The following AGBL4 variants were observed in gnomAD, a reference collection of about 807,000 sequenced individuals.
AGBL4 encodes cytosolic carboxypeptidase 6.
Under a neutral mutation model 66.4 loss-of-function variants are expected in AGBL4, and 58 were observed. The observed-to-expected ratio is 0.87, with a 90% CI of 0.71 to 1.09. The LOEUF (loss-of-function observed/expected upper bound fraction) is 1.09, where lower values mean the gene tolerates loss of function less well. AGBL4 is among the 50% of genes least tolerant of loss of function. The pLI, the probability that AGBL4 is intolerant of heterozygous loss-of-function variation, is 0.00. For synonymous variants in AGBL4, 234 were observed against 222.9 expected, an observed-to-expected ratio of 1.05 and a Z score of -0.44; for missense variants, 579 against 631.0, an observed-to-expected ratio of 0.92 and a Z score of 0.88.
intron 3 of AGBL4, among the ~76,000 whole-genome samples, chr1:49,440,960 C>T (rs1646015542): frequency 6.6e-6 from 1 of 152,136 alleles, no homozygotes; most frequent in African/African-American, 2.4e-5. Context: ...CCTCCCCAAC[C>T]CATGCTCCCA....
intron 1 of AGBL4, among the ~76,000 whole-genome samples, chr1:49,957,191 C>A (rs898594873): frequency 6.6e-6 from 1 of 151,842 alleles, no homozygotes; most frequent in Non-Finnish European, 1.5e-5. Flanking sequence ...AGCGTTTTAA[C>A]AAGAATGGGC....
At chr1:49,914,164 T>C (rs765583956) in intron 1 of AGBL4, among the ~76,000 whole-genome samples, 13 of 152,236 alleles carry the variant, frequency 8.5e-5, no homozygotes, top group Non-Finnish European at 1.5e-4. Flanking sequence ...TCCAAATCTT[T>C]CCAATCTGCT....
At chr1:48,794,536 C>T (rs1046660819) in intron 6 of AGBL4, among the ~76,000 whole-genome samples, 9 of 152,292 alleles carry the variant, frequency 5.9e-5, no homozygotes, top group African/African-American at 1.9e-4. Flanking sequence ...TTGCCTCTAC[C>T]GAACCTACTC....
chr1:49,782,206 C>A (rs1644352983), intron 2 of AGBL4, among the ~76,000 whole-genome samples: 2 of 151,616 alleles, frequency 1.3e-5, no homozygotes, highest in South Asian at 4.2e-4. Flanking sequence ...TCAACAAAAA[C>A]CAAAAACTTT....
intron 6 of AGBL4, among the ~76,000 whole-genome samples, chr1:48,783,578 T>G (rs1427934216): frequency 2.6e-5 from 4 of 152,168 alleles, no homozygotes; most frequent in Non-Finnish European, 5.9e-5. Context: ...TTGCTGTAAC[T>G]TTAGGCAAGA....
At chr1:49,130,144 C>T (rs1179697351) in intron 4 of AGBL4, among the ~76,000 whole-genome samples, 1 of 152,092 alleles carries the variant, frequency 6.6e-6, no homozygotes, top group Non-Finnish European at 1.5e-5. Flanking sequence ...GTCCTTTGCC[C>T]ACTTTTTGAT....
intron 4 of AGBL4, among the ~76,000 whole-genome samples, chr1:49,170,816 T>G (rs1646725527): frequency 6.6e-6 from 1 of 152,008 alleles, no homozygotes; most frequent in Non-Finnish European, 1.5e-5. Context: ...ACCCAAAAGC[T>G]TAGTAAGTTA....
At chr1:49,054,578 A>G (rs986443057) in intron 4 of AGBL4, among the ~76,000 whole-genome samples, 5 of 152,118 alleles carry the variant, frequency 3.3e-5, no homozygotes, top group Admixed American at 3.3e-4. Flanking sequence ...TGTCTACATA[A>G]TTCATAATTG....
intron 3 of AGBL4, among the ~76,000 whole-genome samples, chr1:49,677,375 A>T (rs762785644): frequency 1.3e-5 from 2 of 152,022 alleles, no homozygotes; most frequent in Non-Finnish European, 2.9e-5. Context: ...TTTCATCTTT[A>T]GCATATTTAT....
intron 3 of AGBL4, among the ~76,000 whole-genome samples, chr1:49,369,301 A>C (rs1157637421): frequency 6.6e-6 from 1 of 152,214 alleles, no homozygotes; most frequent in East Asian, 1.9e-4. Context: ...AAAACTATTC[A>C]TAACAGCATA....
chr1:49,536,553 A>C (rs1343947465), intron 3 of AGBL4, among the ~76,000 whole-genome samples: 13 of 152,234 alleles, frequency 8.5e-5, no homozygotes, highest in Admixed American at 7.2e-4. Flanking sequence ...TAGAAAAAAC[A>C]ACCCTAAAAT....
intron 4 of AGBL4, among the ~76,000 whole-genome samples, chr1:49,209,986 T>C (rs191614805): frequency 6.6e-6 from 1 of 152,188 alleles, no homozygotes; most frequent in Admixed American, 6.5e-5. Context: ...ATATACTCAA[T>C]AAATAGCTAT....
chr1:49,430,684 A>C (rs1418264631), intron 3 of AGBL4, among the ~76,000 whole-genome samples: 3 of 151,478 alleles, frequency 2.0e-5, no homozygotes, highest in African/African-American at 7.3e-5. Flanking sequence ...CATAAGTATA[A>C]ACTTAATTAA....
chr1:48,951,905 G>A (rs1471248877), intron 5 of AGBL4, among the ~76,000 whole-genome samples: 1 of 152,238 alleles, frequency 6.6e-6, no homozygotes, highest in African/African-American at 2.4e-5. Flanking sequence ...ATGGCCTTAT[G>A]AGGGAAGCAT....
At chr1:49,372,032 T>C (rs747620373) in intron 3 of AGBL4, among the ~76,000 whole-genome samples, 1 of 152,050 alleles carries the variant, frequency 6.6e-6, no homozygotes, top group Non-Finnish European at 1.5e-5. Context: ...CATGGTATCA[T>C]AGGAGGTAAA....
intron 2 of AGBL4, among the ~76,000 whole-genome samples, chr1:49,708,099 G>A (rs1647350319): frequency 6.6e-6 from 1 of 152,080 alleles, no homozygotes; most frequent in Non-Finnish European, 1.5e-5. Flanking sequence ...ATGTTGACCT[G>A]TTTCACTAGG....
At chr1:48,605,691 G>A (rs562319714) in intron 9 of AGBL4, among the ~76,000 whole-genome samples, 1 of 152,270 alleles carries the variant, frequency 6.6e-6, no homozygotes, top group African/African-American at 2.4e-5. Context: ...GCACATAGTA[G>A]GTGCTAAGGA....
chr1:49,660,722 T>C (rs925144315), intron 3 of AGBL4, among the ~76,000 whole-genome samples: 23 of 151,980 alleles, frequency 1.5e-4, no homozygotes, highest in Non-Finnish European at 2.6e-4. Flanking sequence ...CAATGATAGA[T>C]TGGATAAAGA....
At chr1:48,960,055 GAGA>G (rs1016765528) in intron 5 of AGBL4, among the ~76,000 whole-genome samples, 6 of 152,134 alleles carry the variant, frequency 3.9e-5, no homozygotes, top group African/African-American at 1.4e-4. Flanking sequence ...GGAAGAGCAG[GAGA>G]AGGAGGCAAC....
Sources: allele counts gnomAD v4.1 joint callset (sites outside exome capture counted in the v4.1 genomes callset), GRCh38; gene constraint gnomAD v4.1.1; transcripts MANE v1.5; gene names NCBI Gene and HGNC (gene_info 2026-07-23, HGNC 2026-07-21).